FHIT: variants seen among roughly 807,000 people sequenced by gnomAD.
FHIT encodes the protein bis(5'-adenosyl)-triphosphatase.
In FHIT, 19 loss-of-function variants were observed where a neutral mutation model predicts 17.9. That is an observed-to-expected ratio of 1.06 (90% confidence interval 0.74 to 1.56). The LOEUF is 1.56. Ranked by LOEUF, FHIT falls within the 40% of genes most tolerant of loss-of-function variation. The pLI is 0.00. For missense variants in FHIT, 248 were observed against 189.2 expected, an observed-to-expected ratio of 1.31 and a Z score of -1.82; for synonymous variants, 81 against 69.7, an observed-to-expected ratio of 1.16 and a Z score of -0.81.
At chr3:59,792,657 G>C (rs146605939) in intron 8 of FHIT, among the ~76,000 whole-genome samples, 1 of 152,278 alleles carries the variant, frequency 6.6e-6, no homozygotes, top group Non-Finnish European at 1.5e-5. Context: ...CAAGAATCTA[G>C]TACATAGTAA....
At chr3:59,955,133 T>G (rs187895559) in intron 7 of FHIT, among the ~76,000 whole-genome samples, 1 of 152,282 alleles carries the variant, frequency 6.6e-6, no homozygotes, top group African/African-American at 2.4e-5. Flanking sequence ...ACAGCGTAGT[T>G]GTAAAGATTC....
chr3:60,151,920 A>T (rs1700483387), intron 5 of FHIT, among the ~76,000 whole-genome samples: 1 of 152,168 alleles, frequency 6.6e-6, no homozygotes, highest in Non-Finnish European at 1.5e-5. Flanking sequence ...CATGCTGATT[A>T]TCCATCTTAT....
intron 5 of FHIT, among the ~76,000 whole-genome samples, chr3:60,506,185 C>T (rs2034720866): frequency 6.6e-6 from 1 of 152,122 alleles, no homozygotes; most frequent in Non-Finnish European, 1.5e-5. Flanking sequence ...ATGGTAGGCA[C>T]TAATGAAGGA....
chr3:60,022,674 G>A (rs1700596203), intron 5 of FHIT, among the ~76,000 whole-genome samples: 1 of 152,184 alleles, frequency 6.6e-6, no homozygotes, highest in Non-Finnish European at 1.5e-5. Context: ...ATTTACAGCA[G>A]CATGTTGAAG....
At chr3:61,185,640 G>C (rs886498068) in intron 2 of FHIT, among the ~76,000 whole-genome samples, 3 of 152,172 alleles carry the variant, frequency 2.0e-5, no homozygotes, top group Non-Finnish European at 4.4e-5. Flanking sequence ...TGCAGCAGGA[G>C]ATGAGGATGC....
At position 59,903,790 on chromosome 3, in the gene FHIT, T is replaced by C. The variant is rs1289607236; in HGVS notation, c.348+18556A>G. ...CCCTGTGAGAGCCATAAGGAGGCAATTCGATTAAGCAAATGGCTCATGAAT... is the reference window on the plus strand; with the variant it reads ...CCCTGTGAGAGCCATAAGGAGGCAACTCGATTAAGCAAATGGCTCATGAAT... On this transcript the variant is annotated intron_variant, in intron 8 of 9. Transcript: ENST00000492590. Among the ~76,000 whole-genome samples, 3 of 152,072 alleles carry C rather than the reference T, an allele frequency of 2.0e-5. No individual in the cohort carries two copies. In the East Asian group the frequency reaches 5.8e-4, roughly 29 times the overall value.
At chr3:60,380,834 T>C (rs1700768365) in intron 5 of FHIT, among the ~76,000 whole-genome samples, 1 of 152,228 alleles carries the variant, frequency 6.6e-6, no homozygotes, top group African/African-American at 2.4e-5. Flanking sequence ...TACCAGTGAA[T>C]AGCTGTCTGA....
At chr3:60,200,568 C>G (rs1218447105) in intron 5 of FHIT, among the ~76,000 whole-genome samples, 1 of 151,902 alleles carries the variant, frequency 6.6e-6, no homozygotes, top group African/African-American at 2.4e-5. Flanking sequence ...CTAACAAGGT[C>G]TTTCCTCTAC....
rs139047106 is a variant in FHIT, at chr3:60,296,742, G to A, written c.103+240118C>T. ...CCTTTGCCTAGACATAGATCCCAAT[G>A]ACTTTTTCCTCTGCTAGTTTCTAAA... On this transcript the variant is annotated intron_variant, in intron 5 of 9. Transcript: ENST00000492590. 3.3e-3 allele frequency among the ~76,000 whole-genome samples: 495 copies of A among 152,016 alleles called. 12 individuals are homozygous for A. The South Asian group carries it at 0.05, about 15-fold the overall frequency.
chr3:60,859,608 T>A (rs1553750829), intron 3 of FHIT, among the ~76,000 whole-genome samples: 1 of 151,984 alleles, frequency 6.6e-6, no homozygotes, highest in African/African-American at 2.4e-5. Context: ...TCAGGCACCC[T>A]GAAGGCTACT....
chr3:60,293,173 A>G (rs973688181), intron 5 of FHIT, among the ~76,000 whole-genome samples: 23 of 152,154 alleles, frequency 1.5e-4, no homozygotes, highest in African/African-American at 5.5e-4. Flanking sequence ...CCAAGATTAC[A>G]TTTCTATGAG....
intron 5 of FHIT, among the ~76,000 whole-genome samples, chr3:60,446,410 T>C (rs532293833): frequency 6.6e-6 from 1 of 152,314 alleles, no homozygotes; most frequent in African/African-American, 2.4e-5. Flanking sequence ...AATTTGGAAT[T>C]GAGTTGACTC....
intron 7 of FHIT, among the ~76,000 whole-genome samples, chr3:59,957,313 T>G (rs571296238): frequency 6.6e-6 from 1 of 152,120 alleles, no homozygotes; most frequent in Non-Finnish European, 1.5e-5. Context: ...AGAGAAAAGA[T>G]TGTGTGAAGA....
At chr3:60,243,855 C>T (rs144042829) in intron 5 of FHIT, among the ~76,000 whole-genome samples, 25 of 152,154 alleles carry the variant, frequency 1.6e-4, no homozygotes, top group African/African-American at 6.0e-4. Context: ...AAGGTCAACA[C>T]AGAACAGACA....
intron 3 of FHIT, among the ~76,000 whole-genome samples, chr3:60,964,296 T>C (rs1709605350): frequency 6.6e-6 from 1 of 152,052 alleles, no homozygotes; most frequent in Non-Finnish European, 1.5e-5. Context: ...TAGATCTTCC[T>C]CCATCCCTTT....
chr3:61,200,013 C>T (rs1252581772), intron 2 of FHIT, among the ~76,000 whole-genome samples: 1 of 152,186 alleles, frequency 6.6e-6, no homozygotes, highest in Non-Finnish European at 1.5e-5. Flanking sequence ...TAAAAACCAA[C>T]TTGATTGTAA....
At chr3:60,265,593 T>C (rs1706533750) in intron 5 of FHIT, among the ~76,000 whole-genome samples, 1 of 151,890 alleles carries the variant, frequency 6.6e-6, no homozygotes, top group Non-Finnish European at 1.5e-5. Context: ...CATCAAAATG[T>C]AAAAGTTTGT....
intron 3 of FHIT, among the ~76,000 whole-genome samples, chr3:60,914,135 C>G (rs1413862539): frequency 6.6e-6 from 1 of 152,202 alleles, no homozygotes; most frequent in Non-Finnish European, 1.5e-5. Context: ...CTTTCTTCAT[C>G]TCTCTGTTCT....
intron 5 of FHIT, among the ~76,000 whole-genome samples, chr3:60,156,349 CA>C (rs531763537): frequency 5.4e-3 from 576 of 106,316 alleles, no homozygotes; most frequent in African/African-American, 0.011. Context: ...GACTCTGTCT[CA>C]AAAAAAAAAA....
Sources: gnomAD v4.1 joint callset for allele counts (sites outside exome capture counted in the v4.1 genomes callset) on GRCh38, gnomAD v4.1.1 for gene constraint, MANE v1.5 for transcripts, NCBI Gene and HGNC (gene_info 2026-07-23, HGNC 2026-07-21) for gene names.